Variants in SCHIP1 observed in about 807,000 individuals in gnomAD.
SCHIP1 encodes the protein schwannomin interacting protein 1.
Under a neutral mutation model 29.7 loss-of-function variants are expected in SCHIP1, and 8 were observed. That is an observed-to-expected ratio of 0.27 (90% confidence interval 0.16 to 0.49). The LOEUF (loss-of-function observed/expected upper bound fraction) is 0.49. SCHIP1 is among the 20% of genes least tolerant of loss of function. SCHIP1 has a pLI of 0.99. For missense variants in SCHIP1, 193 were observed against 294.6 expected, an observed-to-expected ratio of 0.66 and a Z score of 2.52; for synonymous variants, 76 against 94.9, an observed-to-expected ratio of 0.80 and a Z score of 1.16.
At chr3:159,763,756 G>C in the SCHIP1 span, 3 of 152,388 alleles carry the variant, frequency 2.0e-5, no homozygotes, top group African/African-American at 7.2e-5. Context: ...CTTTTGGGGA[G>C]GCGGGGGACC....
chr3:159,843,985 T>C (rs1395418418), intron 1 of SCHIP1, among the ~76,000 whole-genome samples: 5 of 152,142 alleles, frequency 3.3e-5, no homozygotes, highest in Non-Finnish European at 7.4e-5. Flanking sequence ...CTTGTTAGTT[T>C]TCTCATCTGT....
At chr3:159,846,252 ATG>A (rs1711825718) in intron 1 of SCHIP1, among the ~76,000 whole-genome samples, 2 of 152,308 alleles carry the variant, frequency 1.3e-5, no homozygotes, top group South Asian at 4.1e-4. Context: ...CTGTGGCCAA[ATG>A]TTTCAGCCCA....
At chr3:159,775,163 T>C in the SCHIP1 span, among the ~76,000 whole-genome samples, 37,665 of 152,138 alleles carry the variant, frequency 0.25, 4,912 homozygotes, top group East Asian at 0.45. Context: ...TCTGAGATGA[T>C]TGATCCCTTC....
At chr3:159,359,748 T>A in the SCHIP1 span, among the ~76,000 whole-genome samples, 2 of 152,102 alleles carry the variant, frequency 1.3e-5, no homozygotes, top group Non-Finnish European at 2.9e-5. Context: ...CAATAATCAA[T>A]AATCAAAACA....
chr3:159,380,275 C>T, the SCHIP1 span, among the ~76,000 whole-genome samples: 1 of 152,140 alleles, frequency 6.6e-6, no homozygotes. Flanking sequence ...CAGTCTTTCT[C>T]CCTCTTCTAG....
chr3:159,743,172 A>C, the SCHIP1 span, among the ~76,000 whole-genome samples: 73 of 152,344 alleles, frequency 4.8e-4, no homozygotes, highest in African/African-American at 1.8e-3. Flanking sequence ...ATCTTTCCCT[A>C]AAGGGTAGTT....
At chr3:159,430,465 G>C in the SCHIP1 span, among the ~76,000 whole-genome samples, 1 of 152,052 alleles carries the variant, frequency 6.6e-6, no homozygotes, top group Admixed American at 6.6e-5. Context: ...GTTCTGCTCT[G>C]GTTCTATGCT....
the SCHIP1 span, among the ~76,000 whole-genome samples, chr3:159,333,688 T>C: frequency 1.4e-4 from 21 of 152,348 alleles, no homozygotes; most frequent in African/African-American, 5.1e-4. Context: ...TCAGAGGTAT[T>C]TGCTTGAAGT....
chr3:159,862,717 A>G (rs1250058588), intron 1 of SCHIP1, among the ~76,000 whole-genome samples: 1 of 152,256 alleles, frequency 6.6e-6, no homozygotes, highest in African/African-American at 2.4e-5. Flanking sequence ...ATTCAGAGAA[A>G]AGAAAGTACA....
chr3:159,806,216 C>A, the SCHIP1 span, among the ~76,000 whole-genome samples: 1 of 152,122 alleles, frequency 6.6e-6, no homozygotes, highest in African/African-American at 2.4e-5. Flanking sequence ...TAAGCAGCTG[C>A]TTTTGTGTTG....
At chr3:159,340,815 A>G in the SCHIP1 span, among the ~76,000 whole-genome samples, 1 of 152,122 alleles carries the variant, frequency 6.6e-6, no homozygotes, top group Non-Finnish European at 1.5e-5. Context: ...TTTGTGTAAG[A>G]GATCAGTAGA....
chr3:159,474,664 T>G, the SCHIP1 span, among the ~76,000 whole-genome samples: 2 of 151,640 alleles, frequency 1.3e-5, no homozygotes, highest in East Asian at 1.9e-4. Context: ...CATAAAGGAG[T>G]GAGTCCAGCC....
the SCHIP1 span, among the ~76,000 whole-genome samples, chr3:159,728,850 T>C: frequency 6.6e-6 from 1 of 152,078 alleles, no homozygotes; most frequent in African/African-American, 2.4e-5. Context: ...GTTTACTCAT[T>C]AAAAATAGAT....
the SCHIP1 span, among the ~76,000 whole-genome samples, chr3:159,748,024 C>T: frequency 6.6e-6 from 1 of 152,136 alleles, no homozygotes; most frequent in Non-Finnish European, 1.5e-5. Context: ...TTCAGCCATA[C>T]ATTTTATGTC....
the SCHIP1 span, among the ~76,000 whole-genome samples, chr3:159,351,660 G>A: frequency 6.6e-6 from 1 of 152,046 alleles, no homozygotes; most frequent in Non-Finnish European, 1.5e-5. Flanking sequence ...AGATCAAATT[G>A]CAAGATAAGT....
the SCHIP1 span, among the ~76,000 whole-genome samples, chr3:159,488,554 A>T: frequency 6.6e-6 from 1 of 152,144 alleles, no homozygotes; most frequent in African/African-American, 2.4e-5. Context: ...GAAAGGTCTG[A>T]GGAGGGCAGA....
At chr3:159,779,112 G>C in the SCHIP1 span, among the ~76,000 whole-genome samples, 25 of 152,282 alleles carry the variant, frequency 1.6e-4, no homozygotes, top group African/African-American at 5.3e-4. Context: ...TGGAAGTCCT[G>C]GGAGAGGGTA....
At chr3:159,519,139 C>A in the SCHIP1 span, among the ~76,000 whole-genome samples, 103 of 152,128 alleles carry the variant, frequency 6.8e-4, no homozygotes, top group African/African-American at 2.0e-3. Context: ...AGGCTTATAA[C>A]TGAATCTCCA....
the SCHIP1 span, among the ~76,000 whole-genome samples, chr3:159,596,023 G>C: frequency 6.6e-6 from 1 of 152,168 alleles, no homozygotes; most frequent in East Asian, 1.9e-4. Flanking sequence ...GCAACCTACA[G>C]AATGGGAGAA....
Sources: gnomAD v4.1 joint callset for allele counts (sites outside exome capture counted in the v4.1 genomes callset) on GRCh38, gnomAD v4.1.1 for gene constraint, MANE v1.5 for transcripts, NCBI Gene and HGNC (gene_info 2026-07-23, HGNC 2026-07-21) for gene names.